KLHL1: variants seen among roughly 807,000 people sequenced by gnomAD.
KLHL1 encodes kelch-like protein 1.
A neutral mutation model predicts 77.7 loss-of-function variants in KLHL1; 47 were observed. The ratio of observed to expected loss-of-function variants is 0.60; its 90% confidence interval spans 0.48 to 0.77. The LOEUF (loss-of-function observed/expected upper bound fraction) is 0.77. Among genes scored for constraint, KLHL1 ranks in the 30% least tolerant of loss-of-function variants. KLHL1 has a pLI of 0.00. For missense variants in KLHL1, 925 were observed against 910.8 expected, an observed-to-expected ratio of 1.02 and a Z score of -0.20; for synonymous variants, 360 against 325.2, an observed-to-expected ratio of 1.11 and a Z score of -1.15.
intron 1 of KLHL1, among the ~76,000 whole-genome samples, chr13:70,021,342 C>A (rs1040732783): frequency 6.6e-6 from 1 of 152,044 alleles, no homozygotes; most frequent in Non-Finnish European, 1.5e-5. Flanking sequence ...GCTTGATAGG[C>A]CACTTCTTTA....
Position 69,701,722 on chromosome 13 carries a change from C to G in KLHL1, c.2227G>C (p.Val743Leu). The G allele has an allele frequency of 6.2e-7, 1 of 1,608,950 alleles. No individual in the cohort carries two copies. The highest frequency in any genetic ancestry group is 8.5e-7 in the Non-Finnish European group (1 of 1,176,984). Residue 743 changes from valine (V) to leucine (L), a missense_variant, in exon 11 of 11, where the codon GTA becomes CTA. Physicochemically the swap from Val to Leu is conservative, Grantham distance 32 (BLOSUM62 1). Coordinates refer to ENST00000377844, the MANE Select transcript of KLHL1 (RefSeq NM_020866.3). ...LNIGRAGACV[V>L]VIKQP The stretch of plus-strand genomic sequence containing the variant: ...ATAAGTCAAGGTTGCTTGATGACTA[C>G]CACACAGGCACCTGCTCTCCCAATA...
At chr13:70,027,834 T>C (rs1341529380) in intron 1 of KLHL1, among the ~76,000 whole-genome samples, 1 of 152,048 alleles carries the variant, frequency 6.6e-6, no homozygotes, top group East Asian at 1.9e-4. Flanking sequence ...ACCTGAAATA[T>C]TTAGAATTGG....
At chr13:70,056,392 G>C (rs1282662844) in intron 1 of KLHL1, among the ~76,000 whole-genome samples, 1 of 152,040 alleles carries the variant, frequency 6.6e-6, no homozygotes, top group Non-Finnish European at 1.5e-5. Flanking sequence ...ATAATAGCTG[G>C]TGACTTCAAC....
intron 2 of KLHL1, among the ~76,000 whole-genome samples, chr13:69,966,751 C>T (rs2137277973): frequency 6.6e-6 from 1 of 152,058 alleles, no homozygotes; most frequent in Middle Eastern, 3.4e-3. Context: ...TTTTCACCTT[C>T]CTTCTCCTTC....
In KLHL1 at chr13:69,764,929, C is replaced by CTTTTTTTTTTTT. The variant is rs71196263; in HGVS notation, c.1640-24385_1640-24374dup. ...TCTCATGCTTTCATGTATATCTTTGCTTTTTTTTTTTTTTTTTTTTTTTTT... is the reference window on the plus strand; with the variant it reads ...TCTCATGCTTTCATGTATATCTTTGCTTTTTTTTTTTTTTTTTTTTTTTTTTTTTTTTTTTTT... On this transcript the variant is annotated intron_variant, in intron 7 of 10. Coordinates refer to ENST00000377844, the MANE Select transcript of KLHL1 (RefSeq NM_020866.3). Among the ~76,000 whole-genome samples the CTTTTTTTTTTTT allele has an allele frequency of 1.8e-3, 73 of 39,726 alleles. 31 individuals carry two copies. Among genetic ancestry groups the CTTTTTTTTTTTT allele is most frequent in the Middle Eastern group, 0.021 (1 of 48 alleles). 26.1% of individuals were successfully genotyped at this position (39,726 alleles called of 152,430 possible).
chr13:69,973,541 A>G (rs1387335734), intron 2 of KLHL1, among the ~76,000 whole-genome samples: 1 of 151,722 alleles, frequency 6.6e-6, no homozygotes, highest in Non-Finnish European at 1.5e-5. Context: ...TTTTGCTTAA[A>G]GACAATATTT....
intron 3 of KLHL1, among the ~76,000 whole-genome samples, chr13:69,947,526 T>G (rs2210453): frequency 0.013 from 1,935 of 151,938 alleles, 50 homozygotes; most frequent in African/African-American, 0.044. Context: ...TTAGACAGAT[T>G]TTTTTTCAGA....
At chr13:69,897,228 T>G (rs2138219831) in intron 4 of KLHL1, among the ~76,000 whole-genome samples, 1 of 152,310 alleles carries the variant, frequency 6.6e-6, no homozygotes, top group African/African-American at 2.4e-5. Context: ...CTGGCCAAAC[T>G]TAATCTCTGA....
At chr13:70,034,302 C>T (rs1472929025) in intron 1 of KLHL1, among the ~76,000 whole-genome samples, 1 of 152,182 alleles carries the variant, frequency 6.6e-6, no homozygotes, top group African/African-American at 2.4e-5. Flanking sequence ...AAGTACTCTA[C>T]TATTGAATGT....
intron 6 of KLHL1, among the ~76,000 whole-genome samples, chr13:69,802,010 C>A (rs1378784567): frequency 6.6e-6 from 1 of 152,018 alleles, no homozygotes; most frequent in Non-Finnish European, 1.5e-5. Context: ...AAGTATTTGT[C>A]CCCTTGCCCC....
rs998955288 is a variant in KLHL1 at position 69,857,526 on chromosome 13, G to A, written c.1228-18364C>T. Among the ~76,000 whole-genome samples, 10 of 152,030 alleles carry A rather than the reference G, an allele frequency of 6.6e-5. No homozygotes were observed. The South Asian group carries it at 2.1e-3, about 32-fold the overall frequency. On this transcript the variant is annotated intron_variant, in intron 5 of 10. Coordinates refer to ENST00000377844, the MANE Select transcript of KLHL1 (RefSeq NM_020866.3). ...TGAATAAATAATACGTTTAAAACAC[G>A]TTATTGATAAAATACTCACAAGAAT...
chr13:70,072,092 C>T (rs1309068923), intron 1 of KLHL1, among the ~76,000 whole-genome samples: 1 of 151,984 alleles, frequency 6.6e-6, no homozygotes, highest in Admixed American at 6.6e-5. Context: ...GTGCAAATTA[C>T]TAATATCAGA....
chr13:70,013,124 G>A (rs1183654879), intron 1 of KLHL1, among the ~76,000 whole-genome samples: 1 of 151,828 alleles, frequency 6.6e-6, no homozygotes, highest in African/African-American at 2.4e-5. Context: ...ATCAAATTCT[G>A]GCACTCTATT....
At chr13:69,799,806 G>A (rs1282841568) in intron 6 of KLHL1, among the ~76,000 whole-genome samples, 2 of 152,044 alleles carry the variant, frequency 1.3e-5, no homozygotes, top group East Asian at 1.9e-4. Flanking sequence ...CTTCCAGGAC[G>A]TGGACCAGTA....
intron 1 of KLHL1, among the ~76,000 whole-genome samples, chr13:70,036,302 CAA>C (rs1886237238): frequency 6.6e-6 from 1 of 151,690 alleles, no homozygotes. Context: ...AACATATGTG[CAA>C]AAGAGGACAT....
intron 5 of KLHL1, among the ~76,000 whole-genome samples, chr13:69,872,965 C>T (rs2138178826): frequency 6.6e-6 from 1 of 152,284 alleles, no homozygotes; most frequent in African/African-American, 2.4e-5. Flanking sequence ...GTCCAAACTA[C>T]AGTAGGAGGC....
At position 70,098,097 on chromosome 13, in the gene KLHL1, C is replaced by A. The variant is rs141401054; in HGVS notation, c.497+9106G>T. Among the ~76,000 whole-genome samples, 40 of 151,868 alleles carry A rather than the reference C, an allele frequency of 2.6e-4. No homozygotes were observed. The East Asian group carries it at 7.7e-3, about 29-fold the overall frequency. On this transcript the variant is annotated intron_variant, in intron 1 of 10. Transcript: ENST00000377844. ...GCTGCAAGCATTTTCTATCTAGTTTCATTAACTCTGGTATTATAGATCATA... is the reference window on the plus strand; with the variant it reads ...GCTGCAAGCATTTTCTATCTAGTTTAATTAACTCTGGTATTATAGATCATA...
intron 7 of KLHL1, among the ~76,000 whole-genome samples, chr13:69,759,576 A>G (rs1430532499): frequency 6.6e-6 from 1 of 152,226 alleles, no homozygotes; most frequent in African/African-American, 2.4e-5. Context: ...GAGACAAAGT[A>G]GATCTTATAA....
intron 6 of KLHL1, among the ~76,000 whole-genome samples, chr13:69,837,604 A>ATCTCTCTC (rs533594880): frequency 2.4e-3 from 332 of 138,238 alleles, no homozygotes; most frequent in Admixed American, 8.1e-3. Context: ...ATACACATAC[A>ATCTCTCTC]TCTCTCTCTC....
Sources: gnomAD v4.1 joint callset for allele counts (sites outside exome capture counted in the v4.1 genomes callset) on GRCh38, gnomAD v4.1.1 for gene constraint, MANE v1.5 for transcripts, NCBI Gene and HGNC (gene_info 2026-07-23, HGNC 2026-07-21) for gene names.